The following CALN1 variants were observed in gnomAD, a reference collection of about 807,000 sequenced individuals.
CALN1 encodes the protein calneuron 1, also known as calcium-binding protein 8.
A neutral mutation model predicts 30.6 loss-of-function variants in CALN1; 17 were observed. That is an observed-to-expected ratio of 0.56 (90% CI 0.38 to 0.83). The LOEUF (loss-of-function observed/expected upper bound fraction) is 0.83, where lower values mean the gene tolerates loss of function less well. CALN1 is among the 40% of genes least tolerant of loss of function. The probability of loss-of-function intolerance (pLI) is 0.00; values close to 1 mark genes in which losing one functional copy is unlikely to be tolerated. For missense variants in CALN1, 291 were observed against 354.9 expected, an observed-to-expected ratio of 0.82 and a Z score of 1.45; for synonymous variants, 156 against 131.4, an observed-to-expected ratio of 1.19 and a Z score of -1.28.
intron 4 of CALN1, among the ~76,000 whole-genome samples, chr7:72,092,625 TAAAAAA>T (rs369445548): frequency 2.5e-4 from 27 of 106,212 alleles, no homozygotes; most frequent in African/African-American, 7.3e-4. Flanking sequence ...TGTATTCTAG[TAAAAAA>T]AAAAAAAAAA....
At chr7:72,244,461 G>C (rs1216674910) in intron 3 of CALN1, among the ~76,000 whole-genome samples, 1 of 152,054 alleles carries the variant, frequency 6.6e-6, no homozygotes, top group East Asian at 1.9e-4. Context: ...TAATCCAGTA[G>C]AGGAACTAAA....
chr7:72,362,385 T>C (rs1462421059), intron 2 of CALN1, among the ~76,000 whole-genome samples: 1 of 152,160 alleles, frequency 6.6e-6, no homozygotes, highest in Non-Finnish European at 1.5e-5. Flanking sequence ...CTTCTCTCCA[T>C]GGCCAACAGA....
At chr7:72,242,055 C>A (rs1199380775) in intron 3 of CALN1, among the ~76,000 whole-genome samples, 1 of 152,162 alleles carries the variant, frequency 6.6e-6, no homozygotes, top group Non-Finnish European at 1.5e-5. Flanking sequence ...CTCTTCTGAG[C>A]CCCTGGCAAC....
intron 2 of CALN1, among the ~76,000 whole-genome samples, chr7:72,402,808 A>C (rs1806432416): frequency 6.6e-6 from 1 of 152,154 alleles, no homozygotes; most frequent in South Asian, 2.1e-4. Flanking sequence ...TAGGAATCCC[A>C]GGTTTGCCTT....
intron 3 of CALN1, among the ~76,000 whole-genome samples, chr7:72,224,688 C>G (rs919690163): frequency 4.6e-5 from 7 of 150,784 alleles, no homozygotes; most frequent in Non-Finnish European, 1.0e-4. Context: ...GGCTGAGACA[C>G]GAGAATCGCT....
At chr7:72,109,304 A>T (rs1377839513) in intron 3 of CALN1, among the ~76,000 whole-genome samples, 1 of 152,168 alleles carries the variant, frequency 6.6e-6, no homozygotes, top group African/African-American at 2.4e-5. Flanking sequence ...TCCACGGCCA[A>T]ACCCTGGAGG....
intron 2 of CALN1, among the ~76,000 whole-genome samples, chr7:72,371,268 T>C (rs529631160): frequency 6.6e-6 from 1 of 152,282 alleles, no homozygotes; most frequent in African/African-American, 2.4e-5. Context: ...GATCTAAGGA[T>C]TGAAGTATGT....
At chr7:71,915,475 T>C (rs1794641079) in intron 5 of CALN1, among the ~76,000 whole-genome samples, 1 of 152,148 alleles carries the variant, frequency 6.6e-6, no homozygotes, top group African/African-American at 2.4e-5. Context: ...GGCTCATGCC[T>C]GTAATCCCAG....
chr7:72,370,406 T>TG (rs1184004431), intron 2 of CALN1, among the ~76,000 whole-genome samples: 1 of 152,060 alleles, frequency 6.6e-6, no homozygotes, highest in African/African-American at 2.4e-5. Context: ...GACATGTGAT[T>TG]GACTTTGGGA....
intron 2 of CALN1, among the ~76,000 whole-genome samples, chr7:72,332,209 G>A (rs1801725589): frequency 6.6e-6 from 1 of 152,152 alleles, no homozygotes; most frequent in African/African-American, 2.4e-5. Context: ...TTGTAGAGCA[G>A]GGCTATTCCC....
intron 2 of CALN1, among the ~76,000 whole-genome samples, chr7:72,372,060 C>G (rs1415644663): frequency 6.6e-6 from 1 of 152,114 alleles, no homozygotes; most frequent in African/African-American, 2.4e-5. Flanking sequence ...TAGGTATTAG[C>G]AAAACAGGGA....
intron 3 of CALN1, among the ~76,000 whole-genome samples, chr7:72,114,457 A>G (rs550866866): frequency 2.6e-5 from 4 of 151,756 alleles, no homozygotes; most frequent in African/African-American, 9.7e-5. Context: ...AGCAGCTGCA[A>G]ATACTTGGCA....
At chr7:72,191,918 T>A (rs935329326) in intron 3 of CALN1, among the ~76,000 whole-genome samples, 1 of 152,112 alleles carries the variant, frequency 6.6e-6, no homozygotes, top group African/African-American at 2.4e-5. Flanking sequence ...ATTAGGCTGG[T>A]GCAAAAGTAA....
At chr7:72,114,309 G>C (rs35798924) in intron 3 of CALN1, among the ~76,000 whole-genome samples, 6,478 of 96,318 alleles carry the variant, frequency 0.067, 400 homozygotes, top group East Asian at 0.43. Context: ...GAAGGGAAGG[G>C]AAGGCAACAC....
intron 5 of CALN1, among the ~76,000 whole-genome samples, chr7:71,931,431 C>T (rs934462224): frequency 1.3e-5 from 2 of 152,030 alleles, no homozygotes; most frequent in Non-Finnish European, 2.9e-5. Flanking sequence ...AACACCCAGT[C>T]GATTTTTGTA....
chr7:72,351,500 T>C (rs1290480205), intron 2 of CALN1, among the ~76,000 whole-genome samples: 1 of 152,210 alleles, frequency 6.6e-6, no homozygotes, highest in South Asian at 2.1e-4. Context: ...TATTACCCAA[T>C]GCATTTATGG....
At chr7:72,320,237 G>A (rs915353520) in intron 2 of CALN1, among the ~76,000 whole-genome samples, 1 of 152,150 alleles carries the variant, frequency 6.6e-6, no homozygotes, top group East Asian at 1.9e-4. Context: ...TGCTGACCAG[G>A]GCTAGGACGG....
intron 3 of CALN1, among the ~76,000 whole-genome samples, chr7:72,259,059 C>T (rs931306770): frequency 2.0e-4 from 30 of 150,742 alleles, no homozygotes; most frequent in Admixed American, 4.0e-4. Context: ...CCAGCCTGGG[C>T]GACAGAGCGA....
At chr7:72,351,531 G>C (rs184433946) in intron 2 of CALN1, among the ~76,000 whole-genome samples, 1 of 152,258 alleles carries the variant, frequency 6.6e-6, no homozygotes, top group Admixed American at 6.5e-5. Context: ...ACATGTATAA[G>C]TAAAACATGT....
Sources: gnomAD v4.1 joint callset for allele counts (sites outside exome capture counted in the v4.1 genomes callset) on GRCh38, gnomAD v4.1.1 for gene constraint, MANE v1.5 for transcripts, NCBI Gene and HGNC (gene_info 2026-07-23, HGNC 2026-07-21) for gene names.